PKIB: variants seen among roughly 807,000 people sequenced by gnomAD.
The protein encoded by PKIB is PKI-beta.
Under a neutral mutation model 4.5 loss-of-function variants are expected in PKIB, and 2 were observed. The ratio of observed to expected loss-of-function variants is 0.44; its 90% CI spans 0.18 to 1.39. PKIB has a LOEUF of 1.39. Among genes scored for constraint, PKIB ranks in the 40% most tolerant of loss-of-function variants. The probability of loss-of-function intolerance (pLI) is 0.27; values close to 1 mark genes in which losing one functional copy is unlikely to be tolerated. For missense variants in PKIB, 94 were observed against 92.6 expected (o/e 1.02, Z -0.06); for synonymous variants, 38 against 36.0 (o/e 1.06, Z -0.20).
intron 3 of PKIB, among the ~76,000 whole-genome samples, chr6:122,594,909 T>A (rs1774130328): frequency 6.6e-6 from 1 of 152,170 alleles, no homozygotes; most frequent in African/African-American, 2.4e-5. Flanking sequence ...TCTGAGGCAA[T>A]CACAGCAGCC....
chr6:122,507,644 C>T (rs1227339519), intron 2 of PKIB, among the ~76,000 whole-genome samples: 25 of 114,432 alleles, frequency 2.2e-4, no homozygotes, highest in East Asian at 3.0e-4. Context: ...GTGTTGGGGG[C>T]GGGGGTGGAA....
intron 2 of PKIB, among the ~76,000 whole-genome samples, chr6:122,584,496 T>C (rs912911965): frequency 2.0e-5 from 3 of 152,134 alleles, no homozygotes; most frequent in Non-Finnish European, 2.9e-5. Flanking sequence ...ATATACTGAC[T>C]AACTACCTAG....
chr6:122,601,007 TC>T (rs1352464101), intron 3 of PKIB, among the ~76,000 whole-genome samples: 1 of 151,926 alleles, frequency 6.6e-6, no homozygotes, highest in African/African-American at 2.4e-5. Flanking sequence ...TCATCAAATT[TC>T]TTTAGATAAT....
chr6:122,684,493 T>C (rs1778020226), intron 3 of PKIB, among the ~76,000 whole-genome samples: 1 of 152,144 alleles, frequency 6.6e-6, no homozygotes, highest in South Asian at 2.1e-4. Context: ...CTTTTACCTT[T>C]ACAAATCACA....
intron 2 of PKIB, among the ~76,000 whole-genome samples, chr6:122,583,269 A>C (rs926593631): frequency 2.0e-5 from 3 of 152,068 alleles, no homozygotes; most frequent in African/African-American, 7.2e-5. Flanking sequence ...AAATCTTAAT[A>C]ATATCTTCTA....
At chr6:122,632,820 A>G (rs1437001390) in intron 1 of PKIB, among the ~76,000 whole-genome samples, 2 of 152,186 alleles carry the variant, frequency 1.3e-5, no homozygotes, top group Non-Finnish European at 2.9e-5. Flanking sequence ...TAAAGCACAC[A>G]TTTGAGAAAG....
intron 2 of PKIB, among the ~76,000 whole-genome samples, chr6:122,660,418 C>G (rs1776938550): frequency 6.6e-6 from 1 of 152,180 alleles, no homozygotes. Context: ...ACGTATTCTC[C>G]TCTAAGGTCC....
chr6:122,629,385 TATA>T (rs1331107430), intron 1 of PKIB, among the ~76,000 whole-genome samples: 1 of 152,164 alleles, frequency 6.6e-6, no homozygotes, highest in Non-Finnish European at 1.5e-5. Context: ...AAGTATAAAA[TATA>T]ATATCTATCA....
rs1487703940 is a variant in PKIB at position 122,561,577 on chromosome 6, T to A, written c.-247-24344T>A. Among the ~76,000 whole-genome samples, 8 of 152,128 alleles carry A rather than the reference T, an allele frequency of 5.3e-5. No homozygotes were observed. The East Asian group carries it at 7.7e-4, about 15-fold the overall frequency. ...TAGGTCTATTAGTAATTTTTTTTTT[T>A]TATAAATTTGGGAGCTCCAGTGTAT... is the stretch of plus-strand genomic sequence containing the variant. On this transcript the variant is annotated intron_variant, in intron 2 of 6. Coordinates refer to the PKIB transcript ENST00000392491.
intron 3 of PKIB, among the ~76,000 whole-genome samples, chr6:122,690,581 A>T (rs1778289724): frequency 6.6e-6 from 1 of 151,932 alleles, no homozygotes; most frequent in Non-Finnish European, 1.5e-5. Flanking sequence ...TAAGTTTTTG[A>T]TGTTTCTATT....
At chr6:122,667,746 CA>C (rs749401470) in intron 2 of PKIB, among the ~76,000 whole-genome samples, 11 of 151,752 alleles carry the variant, frequency 7.2e-5, no homozygotes, top group African/African-American at 2.2e-4. Flanking sequence ...GAATAGTTTA[CA>C]AAAAAAATGT....
At chr6:122,633,678 C>T (rs1334896035) in intron 2 of PKIB, among the ~76,000 whole-genome samples, 2 of 152,126 alleles carry the variant, frequency 1.3e-5, no homozygotes, top group African/African-American at 4.8e-5. Flanking sequence ...CTTATAGAGG[C>T]AGCTAGCCCA....
chr6:122,591,506 C>A (rs887221553), intron 3 of PKIB, among the ~76,000 whole-genome samples: 1 of 152,048 alleles, frequency 6.6e-6, no homozygotes, highest in African/African-American at 2.4e-5. Context: ...TAAATTATAT[C>A]TTTTCTCTTA....
chr6:122,502,532 G>A (rs745387216), intron 2 of PKIB, among the ~76,000 whole-genome samples: 2 of 151,758 alleles, frequency 1.3e-5, no homozygotes, highest in South Asian at 2.1e-4. Flanking sequence ...AGAGTGAAGG[G>A]GGAAGTGCTA....
At chr6:122,649,741 T>G (rs2114874377) in intron 2 of PKIB, among the ~76,000 whole-genome samples, 1 of 152,280 alleles carries the variant, frequency 6.6e-6, no homozygotes, top group East Asian at 1.9e-4. Flanking sequence ...GTGTTCAGTT[T>G]CTATATAGGC....
chr6:122,496,777 A>T (rs1187687006), intron 2 of PKIB, among the ~76,000 whole-genome samples: 1 of 152,204 alleles, frequency 6.6e-6, no homozygotes, highest in East Asian at 1.9e-4. Flanking sequence ...AGATAAGGAT[A>T]CAAAGTAAAC....
chr6:122,562,750 C>T (rs1052980318), intron 2 of PKIB, among the ~76,000 whole-genome samples: 3 of 152,114 alleles, frequency 2.0e-5, no homozygotes, highest in Non-Finnish European at 4.4e-5. Context: ...AATTCTATTG[C>T]TGAGACTTTC....
chr6:122,504,147 TA>T (rs373790922), intron 2 of PKIB, among the ~76,000 whole-genome samples: 94 of 152,338 alleles, frequency 6.2e-4, no homozygotes, highest in African/African-American at 1.9e-3. Flanking sequence ...TAATGATAAA[TA>T]TTTTTTTTAT....
chr6:122,570,492 A>G (rs1330233767), intron 2 of PKIB, among the ~76,000 whole-genome samples: 1 of 152,164 alleles, frequency 6.6e-6, no homozygotes, highest in Non-Finnish European at 1.5e-5. Context: ...AAAAGCATAC[A>G]CCATGGGAGA....
Sources: gnomAD v4.1 joint callset for allele counts (sites outside exome capture counted in the v4.1 genomes callset) on GRCh38, gnomAD v4.1.1 for gene constraint, MANE v1.5 for transcripts, NCBI Gene and HGNC (gene_info 2026-07-23, HGNC 2026-07-21) for gene names.